ZDHHC14: variants seen among roughly 807,000 people sequenced by gnomAD.
ZDHHC14 encodes the protein palmitoyltransferase ZDHHC14.
A neutral mutation model predicts 47.7 loss-of-function variants in ZDHHC14; 16 were observed. The observed-to-expected ratio is 0.34, with a 90% CI of 0.23 to 0.51. ZDHHC14 has a LOEUF of 0.51. Ranked by LOEUF, ZDHHC14 falls within the 20% of genes least tolerant of loss-of-function variation. The probability of loss-of-function intolerance (pLI) is 0.97; values close to 1 mark genes in which losing one functional copy is unlikely to be tolerated. For synonymous variants in ZDHHC14, 293 were observed against 278.9 expected (o/e 1.05, Z -0.50); for missense variants, 515 against 662.5 (o/e 0.78, Z 2.44).
intron 2 of ZDHHC14, among the ~76,000 whole-genome samples, chr6:157,590,361 T>A (rs545927948): frequency 2.5e-4 from 38 of 152,248 alleles, no homozygotes; most frequent in Middle Eastern, 3.4e-3. Flanking sequence ...AAAAATGGTT[T>A]CCTGGGTCAG....
chr6:157,511,358 A>T (rs1780475173), intron 1 of ZDHHC14, among the ~76,000 whole-genome samples: 2 of 151,738 alleles, frequency 1.3e-5, no homozygotes, highest in African/African-American at 4.8e-5. Flanking sequence ...GGAGTGGGGT[A>T]AGTGGTGGTG....
intron 1 of ZDHHC14, among the ~76,000 whole-genome samples, chr6:157,400,922 G>T (rs1777622987): frequency 6.6e-6 from 1 of 152,172 alleles, no homozygotes; most frequent in Non-Finnish European, 1.5e-5. Context: ...CCAGAACCCT[G>T]TCTTATTGAT....
intron 2 of ZDHHC14, among the ~76,000 whole-genome samples, chr6:157,568,206 CTGTT>C (rs1782977385): frequency 6.6e-6 from 1 of 152,094 alleles, no homozygotes; most frequent in East Asian, 1.9e-4. Context: ...TATTTCCAAA[CTGTT>C]TCAAAAGCGA....
chr6:157,490,737 G>A (rs147413636), intron 1 of ZDHHC14, among the ~76,000 whole-genome samples: 5,255 of 152,216 alleles, frequency 0.035, 144 homozygotes, highest in Non-Finnish European at 0.055. Context: ...GTGAAGAAGC[G>A]GGGAGGGCAG....
intron 1 of ZDHHC14, among the ~76,000 whole-genome samples, chr6:157,460,987 C>G (rs949666582): frequency 3.9e-5 from 6 of 152,184 alleles, no homozygotes; most frequent in African/African-American, 9.7e-5. Context: ...TGCATGTGCT[C>G]GAGAAGGCTT....
chr6:157,436,770 AGAT>A (rs1778448098), intron 1 of ZDHHC14, among the ~76,000 whole-genome samples: 1 of 152,150 alleles, frequency 6.6e-6, no homozygotes, highest in Admixed American at 6.5e-5. Context: ...TGCTTCAGGA[AGAT>A]GATGAGTTCA....
In ZDHHC14 at chr6:157,572,012, C is replaced by A. The variant is rs181847953; in HGVS notation, c.407-20976C>A. 9.9e-5 allele frequency among the ~76,000 whole-genome samples: 15 copies of A among 152,054 alleles called. No individual in the cohort carries two copies. In the East Asian group the frequency reaches 2.9e-3, roughly 29 times the overall value. ...GAATCTTTGAAAATGCAGATTCTGG[C>A]TCAGCAGGGTCGGGGCTGGGAGGAG... On this transcript the variant is annotated intron_variant, in intron 2 of 8. Transcript: ENST00000359775.
rs943112773 is a variant in ZDHHC14 at position 157,540,948 on chromosome 6, G to T, written c.246-1637G>T. ...TATATATATATAATTTCATACCAGGGTAATTTCATGCCTTCAATGTAGACT... is the reference window on the plus strand; with the variant it reads ...TATATATATATAATTTCATACCAGGTTAATTTCATGCCTTCAATGTAGACT... On this transcript the variant is annotated intron_variant, in intron 1 of 8. Coordinates refer to ENST00000359775, the MANE Select transcript of ZDHHC14 (RefSeq NM_024630.3). 7.1e-4 allele frequency among the ~76,000 whole-genome samples: 93 copies of T among 131,096 alleles called. 1 individual carries two copies. The highest frequency in any genetic ancestry group is 1.5e-4 in the Non-Finnish European group (10 of 65,238). 86.0% of individuals were successfully genotyped at this position (131,096 alleles called of 152,430 possible). A position where few individuals can be genotyped will look rare whatever the true frequency, so the allele number is the denominator to read the frequency against.
At chr6:157,653,738 C>T (rs1777952120) in intron 8 of ZDHHC14, 111 bp downstream of exon 8, 1 of 965,312 alleles carries the variant, frequency 1.0e-6, no homozygotes, top group East Asian at 2.6e-5. Flanking sequence ...GGGGGCAGCC[C>T]ACAGCCGCCC....
At chr6:157,651,868 G>A (rs561009843) in intron 7 of ZDHHC14, among the ~76,000 whole-genome samples, 11 of 152,208 alleles carry the variant, frequency 7.2e-5, no homozygotes, top group South Asian at 6.2e-4. Flanking sequence ...CACTGCGCCC[G>A]GTCCCTCAAG....
intron 8 of ZDHHC14, among the ~76,000 whole-genome samples, chr6:157,654,264 G>A (rs2114993611): frequency 6.6e-6 from 1 of 152,210 alleles, no homozygotes; most frequent in Non-Finnish European, 1.5e-5. Flanking sequence ...GGAGATCTGG[G>A]GGAGGGGGCA....
intron 1 of ZDHHC14, among the ~76,000 whole-genome samples, chr6:157,384,920 T>G (rs1777281744): frequency 6.6e-6 from 1 of 152,226 alleles, no homozygotes; most frequent in Non-Finnish European, 1.5e-5. Context: ...TTGTTTAATT[T>G]CATGTCTAGA....
At chr6:157,589,762 G>A (rs1025018037) in intron 2 of ZDHHC14, among the ~76,000 whole-genome samples, 1 of 152,158 alleles carries the variant, frequency 6.6e-6, no homozygotes, top group African/African-American at 2.4e-5. Context: ...ATTGGTATTG[G>A]GTAGTGGGGC....
rs1003570757 is a variant in ZDHHC14, at chr6:157,640,969, AT to A, written c.753-4767del. On this transcript the variant is annotated intron_variant, in intron 5 of 8. Transcript: ENST00000359775. ...ATACATCCGTGTGCATCATACACAT[AT>A]GCTGATACGGGGGTGGGAGGACTTT... Among the ~76,000 whole-genome samples, 3 of 152,332 alleles carry A rather than the reference AT, an allele frequency of 2.0e-5. No homozygotes were observed. The South Asian group carries it at 6.2e-4, about 32-fold the overall frequency.
chr6:157,660,942 TAGAATGTGAC>T (rs1419408271), intron 8 of ZDHHC14, among the ~76,000 whole-genome samples: 2 of 152,180 alleles, frequency 1.3e-5, no homozygotes, highest in Non-Finnish European at 2.9e-5. Context: ...CGGAATGTGC[TAGAATGTGAC>T]AGACTGTTGG....
chr6:157,620,767 CT>C (rs1460313444), intron 3 of ZDHHC14, among the ~76,000 whole-genome samples: 2 of 152,208 alleles, frequency 1.3e-5, no homozygotes, highest in Non-Finnish European at 2.9e-5. Flanking sequence ...AGCAGAGACG[CT>C]TTGGGTCCTC....
intron 3 of ZDHHC14, among the ~76,000 whole-genome samples, chr6:157,626,838 G>A (rs1210031273): frequency 1.4e-5 from 2 of 146,446 alleles, no homozygotes; most frequent in Non-Finnish European, 1.5e-5. Context: ...CACCTGTGCA[G>A]CCCTCCCCAG....
chr6:157,625,167 C>T (rs1315413209), intron 3 of ZDHHC14, among the ~76,000 whole-genome samples: 7 of 152,064 alleles, frequency 4.6e-5, no homozygotes, highest in East Asian at 1.9e-4. Context: ...ACACGAACTT[C>T]GGGGGACACA....
At chr6:157,465,105 C>CTTTTTTTTTTTTTTTTTTTTTTTTTTT (rs772080368) in intron 1 of ZDHHC14, among the ~76,000 whole-genome samples, 1 of 102,008 alleles carries the variant, frequency 9.8e-6, no homozygotes, top group Non-Finnish European at 1.9e-5. Flanking sequence ...TCTCTTTCTC[C>CTTTTTTTTTTTTTTTTTTTTTTTTTTT]TTTTTTTTTT....
Sources: allele counts gnomAD v4.1 joint callset (sites outside exome capture counted in the v4.1 genomes callset), GRCh38; gene constraint gnomAD v4.1.1; transcripts MANE v1.5; gene names NCBI Gene and HGNC (gene_info 2026-07-23, HGNC 2026-07-21).